SH3BGR: variants seen among roughly 807,000 people sequenced by gnomAD.
SH3BGR encodes the protein SH3 domain-binding glutamic acid-rich protein.
In SH3BGR, 29 loss-of-function variants were observed where a neutral mutation model predicts 24.5. The ratio of observed to expected loss-of-function variants is 1.18; its 90% CI spans 0.88 to 1.61. The LOEUF (loss-of-function observed/expected upper bound fraction) is 1.61, where lower values mean the gene tolerates loss of function less well. Among genes scored for constraint, SH3BGR ranks in the 40% most tolerant of loss-of-function variants. The probability of loss-of-function intolerance (pLI) is 0.00; values close to 1 mark genes in which losing one functional copy is unlikely to be tolerated. For synonymous variants in SH3BGR, 55 were observed against 65.7 expected, an observed-to-expected ratio of 0.84 and a Z score of 0.79; for missense variants, 162 against 205.8, an observed-to-expected ratio of 0.79 and a Z score of 1.30.
intron 3 of SH3BGR, among the ~76,000 whole-genome samples, chr21:39,490,192 G>T (rs1195573090): frequency 6.6e-6 from 1 of 152,196 alleles, no homozygotes; most frequent in Non-Finnish European, 1.5e-5. Context: ...GAACATTTAT[G>T]TTAACAAGGC....
At chr21:39,461,240 G>C (rs948471011) in intron 1 of SH3BGR, among the ~76,000 whole-genome samples, 5 of 151,244 alleles carry the variant, frequency 3.3e-5, no homozygotes, top group African/African-American at 1.2e-4. Flanking sequence ...GGGTTCAAGC[G>C]ATTCTCCTGC....
chr21:39,446,547 C>T (rs1422588786), intron 1 of SH3BGR, among the ~76,000 whole-genome samples: 3 of 152,126 alleles, frequency 2.0e-5, no homozygotes, highest in Non-Finnish European at 2.9e-5. Context: ...GATACTTGGC[C>T]CGCATTGGAA....
At chr21:39,484,357 A>G (rs1298984607) in intron 3 of SH3BGR, among the ~76,000 whole-genome samples, 1 of 152,094 alleles carries the variant, frequency 6.6e-6, no homozygotes, top group Admixed American at 6.6e-5. Flanking sequence ...TCAATGAAAC[A>G]CTCCGGAGAT....
chr21:39,492,265 T>C (rs1031771482), intron 3 of SH3BGR, among the ~76,000 whole-genome samples: 3 of 152,040 alleles, frequency 2.0e-5, no homozygotes, highest in East Asian at 1.9e-4. Context: ...CCAAAGTCCA[T>C]TGTGTCATTC....
At chr21:39,503,949 A>G (rs997110761) in intron 4 of SH3BGR, among the ~76,000 whole-genome samples, 1 of 152,156 alleles carries the variant, frequency 6.6e-6, no homozygotes, top group Non-Finnish European at 1.5e-5. Context: ...GGGCTAAGGA[A>G]CCGGCGCCTC....
chr21:39,455,470 G>T (rs911032048), intron 1 of SH3BGR, among the ~76,000 whole-genome samples: 2 of 152,226 alleles, frequency 1.3e-5, no homozygotes, highest in Non-Finnish European at 2.9e-5. Context: ...AACTGATGGG[G>T]TGCTATGCAC....
chr21:39,487,590 C>G (rs1049141336), intron 3 of SH3BGR, among the ~76,000 whole-genome samples: 4 of 152,186 alleles, frequency 2.6e-5, no homozygotes, highest in Non-Finnish European at 4.4e-5. Context: ...GCCAGACAAA[C>G]ATTGCTCAAA....
At chr21:39,507,112 G>A (rs934441940) in intron 4 of SH3BGR, among the ~76,000 whole-genome samples, 19 of 152,128 alleles carry the variant, frequency 1.2e-4, no homozygotes, top group African/African-American at 4.6e-4. Flanking sequence ...AAAACTTGGG[G>A]TGTCACCAGT....
At chr21:39,486,680 T>A (rs2078217078) in intron 3 of SH3BGR, among the ~76,000 whole-genome samples, 1 of 152,250 alleles carries the variant, frequency 6.6e-6, no homozygotes, top group South Asian at 2.1e-4. Flanking sequence ...ACCTGTTGTC[T>A]GATACCAGGC....
intron 2 of SH3BGR, 44 bp from the exon 3 acceptor site, chr21:39,475,091 A>G: frequency 8.2e-7 from 1 of 1,224,642 alleles, no homozygotes; most frequent in Admixed American, 1.8e-5. Context: ...AAACTGGCTC[A>G]CAAGTGTGCA....
chr21:39,510,398 TAC>T (rs34806393), intron 5 of SH3BGR, among the ~76,000 whole-genome samples: 41,451 of 109,246 alleles, frequency 0.38, 7,268 homozygotes, highest in African/African-American at 0.4. Flanking sequence ...ACACTGTAGC[TAC>T]ACACACACAC....
intron 1 of SH3BGR, among the ~76,000 whole-genome samples, chr21:39,455,384 A>G (rs1438110800): frequency 6.6e-6 from 1 of 152,232 alleles, no homozygotes; most frequent in African/African-American, 2.4e-5. Flanking sequence ...GGGGGCCAGC[A>G]TGGGCCATGG....
intron 2 of SH3BGR, among the ~76,000 whole-genome samples, chr21:39,469,746 C>T (rs561526433): frequency 2.6e-5 from 4 of 151,926 alleles, no homozygotes; most frequent in African/African-American, 4.8e-5. Context: ...CTCTGCCTCC[C>T]GAGTTCAAGT....
chr21:39,493,597 G>A (rs1358682446), intron 3 of SH3BGR, among the ~76,000 whole-genome samples: 1 of 152,048 alleles, frequency 6.6e-6, no homozygotes, highest in Non-Finnish European at 1.5e-5. Context: ...TGGCTATGTG[G>A]GCTCTTTTAT....
At position 39,515,118 on chromosome 21, in the gene SH3BGR, T is replaced by A. The variant is rs1227653807; in HGVS notation, c.*65T>A. On this transcript the variant is annotated 3_prime_UTR_variant, in exon 7 of 7. Coordinates refer to ENST00000333634, the MANE Select transcript of SH3BGR (RefSeq NM_007341.3). ...GGAAGCTATGAAGCAACATTTCAAA[T>A]GTCTCTCCACAAACCAAACTCAACA... 2.1e-6 allele frequency: 1 copy of A among 470,726 alleles called. No homozygotes were observed. The highest frequency in any genetic ancestry group is 4.4e-6 in the Non-Finnish European group (1 of 226,850). 29.2% of individuals were successfully genotyped at this position (470,726 alleles called of 1,614,324 possible).
chr21:39,501,178 A>G (rs757515862), intron 4 of SH3BGR, among the ~76,000 whole-genome samples: 1 of 152,216 alleles, frequency 6.6e-6, no homozygotes, highest in Non-Finnish European at 1.5e-5. Flanking sequence ...ATATTGATGA[A>G]TACTTTGAAG....
chr21:39,480,290 C>G (rs2078110138), intron 3 of SH3BGR, among the ~76,000 whole-genome samples: 1 of 152,142 alleles, frequency 6.6e-6, no homozygotes, highest in Admixed American at 6.5e-5. Flanking sequence ...CTGTCTACTT[C>G]CAAAATACTG....
chr21:39,499,756 T>A (rs2078461418), intron 3 of SH3BGR, 67 bp from the exon 4 acceptor site: 2 of 1,172,612 alleles, frequency 1.7e-6, no homozygotes, highest in Non-Finnish European at 2.5e-6. Context: ...CCACAGCATA[T>A]GTGGCCTGTT....
intron 1 of SH3BGR, among the ~76,000 whole-genome samples, chr21:39,459,026 A>G (rs532562924): frequency 6.6e-6 from 1 of 151,572 alleles, no homozygotes; most frequent in East Asian, 1.9e-4. Flanking sequence ...TATTGTACCA[A>G]TTAGTTCTGT....
Sources: allele counts gnomAD v4.1 joint callset (sites outside exome capture counted in the v4.1 genomes callset), GRCh38; gene constraint gnomAD v4.1.1; transcripts MANE v1.5; gene names NCBI Gene and HGNC (gene_info 2026-07-23, HGNC 2026-07-21).